ADAM19: variants seen among roughly 807,000 people sequenced by gnomAD.
ADAM19 encodes the protein disintegrin and metalloproteinase domain-containing protein 19.
Under a neutral mutation model 114.7 loss-of-function variants are expected in ADAM19, and 65 were observed. The ratio of observed to expected loss-of-function variants is 0.57; its 90% CI spans 0.46 to 0.70. ADAM19 has a LOEUF of 0.70. Ranked by LOEUF, ADAM19 falls within the 30% of genes least tolerant of loss-of-function variation. ADAM19 has a pLI of 0.00. For missense variants in ADAM19, 1,063 were observed against 1,204.7 expected (o/e 0.88, Z 1.74); for synonymous variants, 466 against 460.5 (o/e 1.01, Z -0.15).
chr5:157,547,327 C>T (rs552471394), intron 3 of ADAM19, among the ~76,000 whole-genome samples: 9 of 152,286 alleles, frequency 5.9e-5, no homozygotes, highest in African/African-American at 1.2e-4. Context: ...AATGTATCCC[C>T]GCAAAAGCCT....
At chr5:157,574,781 G>A (rs1422098846) in intron 1 of ADAM19, among the ~76,000 whole-genome samples, 2 of 152,200 alleles carry the variant, frequency 1.3e-5, no homozygotes, top group Non-Finnish European at 2.9e-5. Flanking sequence ...AACTAGTCCT[G>A]AGAAACACGG....
At chr5:157,563,016 G>A (rs1337139551) in intron 3 of ADAM19, among the ~76,000 whole-genome samples, 1 of 152,082 alleles carries the variant, frequency 6.6e-6, no homozygotes, top group African/African-American at 2.4e-5. Context: ...TGGGAACAAA[G>A]CTGCCGTGAG....
chr5:157,524,608 T>C (rs1380195740), intron 5 of ADAM19, among the ~76,000 whole-genome samples: 1 of 152,200 alleles, frequency 6.6e-6, no homozygotes, highest in Admixed American at 6.5e-5. Context: ...TCCTCTCCCC[T>C]TCTCTGCAAA....
chr5:157,489,091 A>G lies in ADAM19; in HGVS notation c.2325+11T>C. The G allele has an allele frequency of 1.2e-6, 2 of 1,612,502 alleles. No homozygotes were observed. On this transcript the variant is annotated intron_variant, in intron 20 of 22. Transcript: ENST00000257527. ...GAAAAGTAGCAAAGTTCAGTGGTGCAAAGCTCTTACCTTTCGCTTGCCCTG... is the reference window on the plus strand; with the variant it reads ...GAAAAGTAGCAAAGTTCAGTGGTGCGAAGCTCTTACCTTTCGCTTGCCCTG...
intron 5 of ADAM19, among the ~76,000 whole-genome samples, chr5:157,525,891 T>C (rs1756438191): frequency 6.6e-6 from 1 of 152,086 alleles, no homozygotes; most frequent in South Asian, 2.1e-4. Flanking sequence ...GTAATTACAG[T>C]GAGAGTGAGC....
At chr5:157,528,540 G>A (rs1051658078) in intron 5 of ADAM19, among the ~76,000 whole-genome samples, 1 of 152,128 alleles carries the variant, frequency 6.6e-6, no homozygotes, top group Non-Finnish European at 1.5e-5. Flanking sequence ...GCTCAATCAG[G>A]TCACTTAAGC....
Position 157,490,662 on chromosome 5 carries a change from G to A in ADAM19, c.2096-208C>T, listed in dbSNP as rs145745296. On this transcript the variant is annotated intron_variant, in intron 18 of 22. Coordinates refer to ENST00000257527, the MANE Select transcript of ADAM19 (RefSeq NM_033274.5). ...TAATCCCAGCACTTTGGGAGGCCGC[G>A]GTCAGCAGATCACAAGGTAAAGAGA... Among the ~76,000 whole-genome samples the A allele has an allele frequency of 1.5e-3, 227 of 152,180 alleles. 2 individuals carry two copies. Among genetic ancestry groups the A allele is most frequent in the African/African-American group, 4.9e-3 (202 of 41,546 alleles).
chr5:157,505,367 T>TA (rs1214141808), intron 11 of ADAM19, among the ~76,000 whole-genome samples: 1 of 152,042 alleles, frequency 6.6e-6, no homozygotes, highest in Non-Finnish European at 1.5e-5. Context: ...TGTGTCCTCA[T>TA]AAAAAATTCA....
At chr5:157,558,077 G>A (rs1757414815) in intron 3 of ADAM19, among the ~76,000 whole-genome samples, 1 of 152,220 alleles carries the variant, frequency 6.6e-6, no homozygotes, top group Admixed American at 6.5e-5. Context: ...GCTACAATTA[G>A]AAACTACATC....
rs995432483 is a variant in ADAM19 at position 157,504,088 on chromosome 5, G to T, written c.1131-1108C>A. Among the ~76,000 whole-genome samples the T allele has an allele frequency of 4.6e-5, 7 of 152,160 alleles. No homozygotes were observed. The South Asian group carries it at 6.2e-4, about 14-fold the overall frequency. ...TAATTGTTAAACTATCCATATTTGT[G>T]AATAATTTAAAAATGAAAGAGAGTA... On this transcript the variant is annotated intron_variant, in intron 11 of 22. Coordinates refer to ENST00000257527, the MANE Select transcript of ADAM19 (RefSeq NM_033274.5).
intron 21 of ADAM19, among the ~76,000 whole-genome samples, chr5:157,482,230 A>AC (rs1376521761): frequency 6.6e-6 from 1 of 152,064 alleles, no homozygotes; most frequent in Non-Finnish European, 1.5e-5. Context: ...CATATCTTTC[A>AC]CCCACTTTTT....
Position 157,569,437 on chromosome 5 carries a change from T to TTTG in ADAM19, c.180+1457_180+1458insCAA, listed in dbSNP as rs1183071500. Among the ~76,000 whole-genome samples, 312 of 146,040 alleles carry TTTG rather than the reference T, an allele frequency of 2.1e-3. 3 individuals are homozygous for TTTG. The highest frequency in any genetic ancestry group is 7.6e-3 in the African/African-American group (295 of 39,032). On this transcript the variant is annotated intron_variant, in intron 2 of 22. Coordinates refer to ENST00000257527, the MANE Select transcript of ADAM19 (RefSeq NM_033274.5). ...TTTTCTTTTTTTTTTTTTTTTTTTT[T>TTTG]TGTAGAGATAGGATCTCAGTATGGT...
chr5:157,507,175 G>T, intron 9 of ADAM19, 35 bp from the exon 10 acceptor site: 1 of 1,596,362 alleles, frequency 6.3e-7, no homozygotes, highest in South Asian at 1.1e-5. Context: ...GACCGGGGAC[G>T]AGACTAAGAG....
intron 3 of ADAM19, among the ~76,000 whole-genome samples, chr5:157,551,346 A>T (rs1382047040): frequency 1.3e-5 from 2 of 148,288 alleles, no homozygotes; most frequent in Non-Finnish European, 3.0e-5. Context: ...AGTGGCTGCA[A>T]TGAGCTGAGA....
chr5:157,565,708 CT>C (rs1222729812), intron 2 of ADAM19, among the ~76,000 whole-genome samples: 2 of 143,770 alleles, frequency 1.4e-5, no homozygotes, highest in African/African-American at 5.2e-5. Flanking sequence ...GACACTCTCT[CT>C]CAAAAAAAAA....
rs200819892 is a variant in ADAM19, at chr5:157,535,933, T to TC, written c.330+1979dup. Among the ~76,000 whole-genome samples the TC allele has an allele frequency of 8.6e-3, 1,309 of 152,180 alleles. 19 individuals are homozygous for TC. Among genetic ancestry groups the TC allele is most frequent in the African/African-American group, 0.029 (1,212 of 41,506 alleles). On this transcript the variant is annotated intron_variant, in intron 4 of 22. Coordinates refer to ENST00000257527, the MANE Select transcript of ADAM19 (RefSeq NM_033274.5). ...CTTTCTAGGCATGCCTGTTCCCCCA[T>TC]CCCACCCCTGCCCCTGGAGGCAGAG...
intron 3 of ADAM19, among the ~76,000 whole-genome samples, chr5:157,561,003 C>A (rs116732514): frequency 6.6e-6 from 1 of 152,150 alleles, no homozygotes; most frequent in Non-Finnish European, 1.5e-5. Flanking sequence ...CCCAGATGCA[C>A]AAACTGAGGC....
chr5:157,495,643 A>AT (rs1051823563), intron 14 of ADAM19, among the ~76,000 whole-genome samples: 1 of 151,308 alleles, frequency 6.6e-6, no homozygotes, highest in African/African-American at 2.4e-5. Context: ...TTCTTTTTTT[A>AT]TTTTTTTTGA....
chr5:157,516,344 C>T (rs1042335513), intron 7 of ADAM19, among the ~76,000 whole-genome samples: 1 of 152,196 alleles, frequency 6.6e-6, no homozygotes, highest in East Asian at 1.9e-4. Context: ...TGCTGAGACA[C>T]TCTCCTTTGT....
Sources: allele counts gnomAD v4.1 joint callset (sites outside exome capture counted in the v4.1 genomes callset), GRCh38; gene constraint gnomAD v4.1.1; transcripts MANE v1.5; gene names NCBI Gene and HGNC (gene_info 2026-07-23, HGNC 2026-07-21).